FER1L5: variants seen among roughly 807,000 people sequenced by gnomAD.
FER1L5 encodes fer-1-like protein 5.
FER1L5 carries 187 observed loss-of-function variants against 279.9 expected under a neutral mutation model. That is an observed-to-expected ratio of 0.67 (90% CI 0.59 to 0.75). The LOEUF is 0.75. Among genes scored for constraint, FER1L5 ranks in the 30% least tolerant of loss-of-function variants. FER1L5 has a pLI of 0.00. For synonymous variants in FER1L5, 921 were observed against 989.7 expected, an observed-to-expected ratio of 0.93 and a Z score of 1.30; for missense variants, 2,091 against 2,594.4, an observed-to-expected ratio of 0.81 and a Z score of 4.21.
In FER1L5 at chr2:96,700,099, T is replaced by C. The variant is rs372591778; in HGVS notation, c.4930+19T>C. 6 of 1,613,090 alleles carry C rather than the reference T, an allele frequency of 3.7e-6. No homozygotes were observed. The highest frequency in any genetic ancestry group is 5.1e-6 in the Non-Finnish European group (6 of 1,179,706). On this transcript the variant is annotated intron_variant, in intron 44 of 52. Transcript: ENST00000624922. ...AGCTTTGGTGAGCAGCGCAGAACAC[T>C]AGCAGAAAGCACAGACACAGGCCTC...
chr2:96,664,394 A>G (rs1434573229), intron 14 of FER1L5, among the ~76,000 whole-genome samples: 1 of 152,000 alleles, frequency 6.6e-6, no homozygotes. Flanking sequence ...TTCTGTTACT[A>G]CGTATTAGCT....
Position 96,687,952 on chromosome 2 carries a change from G to A in FER1L5, c.2361+5G>A, listed in dbSNP as rs1405886377. On this transcript the variant is annotated splice_donor_5th_base_variant and intron_variant, in intron 24 of 52. Transcript: ENST00000624922. ...ACAGCGGTGTACGCCGAGATGGTGA[G>A]TGGTGAGCGGCAGCCCAAGGCCAGG... 3.2e-6 allele frequency: 5 copies of A among 1,550,946 alleles called. No homozygotes were observed. In the South Asian group the frequency reaches 5.9e-5, roughly 18 times the overall value.
intron 18 of FER1L5, among the ~76,000 whole-genome samples, chr2:96,670,718 G>A (rs555501845): frequency 2.6e-5 from 4 of 151,890 alleles, no homozygotes; most frequent in South Asian, 2.1e-4. Context: ...CCTGGGAGGC[G>A]GAGGTTGCAG....
chr2:96,642,793 T>G lies in FER1L5; in HGVS notation c.-44T>G. 6.5e-7 allele frequency: 1 copy of G among 1,539,142 alleles called. No individual in the cohort carries two copies. Among genetic ancestry groups the G allele is most frequent in the East Asian group, 2.5e-5 (1 of 40,346 alleles). The stretch of plus-strand genomic sequence containing the variant: ...GACTGAGGAGCTCCAAAAAGGAAGC[T>G]GTGGCGCTGCGTAGGGAAGGAGGGA... On this transcript the variant is annotated 5_prime_UTR_variant, in exon 1 of 53. Coordinates refer to ENST00000624922, the MANE Select transcript of FER1L5 (RefSeq NM_001293083.2).
rs376269992 is a variant in FER1L5 at position 96,688,662 on chromosome 2, A to G, written c.2362-551A>G. Among the ~76,000 whole-genome samples, 24 of 151,888 alleles carry G rather than the reference A, an allele frequency of 1.6e-4. 2 individuals carry two copies. Among genetic ancestry groups the G allele is most frequent in the Admixed American group, 5.9e-4 (9 of 15,274 alleles). ...TGCATGTGTAGATGGATACATCATAATATGTCTAACCAGCTCCGTAGGTCT... is the reference window on the plus strand; with the variant it reads ...TGCATGTGTAGATGGATACATCATAGTATGTCTAACCAGCTCCGTAGGTCT... On this transcript the variant is annotated intron_variant, in intron 24 of 52. Coordinates refer to ENST00000624922, the MANE Select transcript of FER1L5 (RefSeq NM_001293083.2).
At chr2:96,644,772 G>A (rs1434596500) in intron 1 of FER1L5, among the ~76,000 whole-genome samples, 2 of 152,188 alleles carry the variant, frequency 1.3e-5, no homozygotes, top group African/African-American at 2.4e-5. Flanking sequence ...GGCTCACAGG[G>A]TGATGCATGC....
chr2:96,653,765 A>C (rs1475289631), intron 8 of FER1L5, 63 bp downstream of exon 8: 4 of 1,277,816 alleles, frequency 3.1e-6, no homozygotes, highest in Non-Finnish European at 3.3e-6. Context: ...ACTGGGAAGC[A>C]CTACAGCTCC....
At position 96,687,861 on chromosome 2, in the gene FER1L5, C is replaced by T. The variant is rs1315381728; in HGVS notation, c.2275C>T (p.Arg759Trp). 5.8e-6 allele frequency: 9 copies of T among 1,551,300 alleles called. No homozygotes were observed. Among genetic ancestry groups the T allele is most frequent in the Non-Finnish European group, 6.1e-6 (7 of 1,146,966 alleles). The part of the protein sequence containing the change: ...GQKDVLPAHL[R>W]VCMWLGNVTD... Reference sequence around the variant, plus strand: ...GAAGGATGTGCTCCCAGCTCACCTCCGGGTCTGCATGTGGCTTGGCAATGT... The same window carrying T: ...GAAGGATGTGCTCCCAGCTCACCTCTGGGTCTGCATGTGGCTTGGCAATGT... Residue 759 changes from arginine (R) to tryptophan (W), a missense_variant, in exon 24 of 53, where the codon CGG becomes TGG. Physicochemically the swap from Arg to Trp is moderately radical, Grantham distance 101 (BLOSUM62 -3). Transcript: ENST00000624922.
intron 5 of FER1L5, 42 bp from the exon 6 acceptor site, chr2:96,650,138 G>A (rs1413622376): frequency 1.4e-6 from 2 of 1,467,240 alleles, no homozygotes; most frequent in Non-Finnish European, 1.9e-6. Flanking sequence ...AAACCTCCTG[G>A]GCCCCAGGCC....
intron 4 of FER1L5, among the ~76,000 whole-genome samples, chr2:96,649,025 T>A (rs2075255562): frequency 6.6e-6 from 1 of 151,578 alleles, no homozygotes; most frequent in African/African-American, 2.4e-5. Flanking sequence ...TGTACTGCAC[T>A]TTTGTCACAC....
intron 9 of FER1L5, among the ~76,000 whole-genome samples, chr2:96,658,059 C>T (rs2075668702): frequency 6.6e-6 from 1 of 151,722 alleles, no homozygotes; most frequent in Non-Finnish European, 1.5e-5. Context: ...CCCTGTTGCC[C>T]AGGCTGGAGT....
intron 19 of FER1L5, among the ~76,000 whole-genome samples, chr2:96,673,884 C>T (rs953404053): frequency 1.3e-5 from 2 of 152,194 alleles, no homozygotes; most frequent in Non-Finnish European, 2.9e-5. Context: ...GGGGTGCATG[C>T]TCCAGTTTGA....
Position 96,649,736 on chromosome 2 carries a change from C to T in FER1L5, c.394+59C>T. 3 of 1,513,890 alleles carry T rather than the reference C, an allele frequency of 2.0e-6. No individual in the cohort carries two copies. In the Admixed American group the frequency reaches 5.9e-5, roughly 30 times the overall value. 93.8% of individuals were successfully genotyped at this position (1,513,890 alleles called of 1,614,324 possible). A position where few individuals can be genotyped will look rare whatever the true frequency, so the allele number is the denominator to read the frequency against. ...CTACCCTGCCTTTCTGCATGCACAG[C>T]TGGATGGGTTCTTGGGGACCTTCAA... On this transcript the variant is annotated intron_variant, in intron 5 of 52. Transcript: ENST00000624922.
chr2:96,676,880 G>A (rs1433024480), intron 19 of FER1L5, among the ~76,000 whole-genome samples: 1 of 151,620 alleles, frequency 6.6e-6, no homozygotes, highest in Non-Finnish European at 1.5e-5. Flanking sequence ...TTTTTGGGAC[G>A]GAGTCTCACT....
chr2:96,690,807 G>A (rs1050315678), intron 27 of FER1L5, among the ~76,000 whole-genome samples: 4 of 152,224 alleles, frequency 2.6e-5, no homozygotes, highest in Admixed American at 2.0e-4. Context: ...CTGGCCCAGA[G>A]CAAGGCGTGG....
Position 96,698,772 on chromosome 2 carries a change from C to T in FER1L5, c.4458C>T (p.Cys1486=). ...WPEREDFPQP[C]LVRVYMVRAI... is the part of the protein sequence containing the mutation. ...AGAGAGAGGACTTCCCCCAGCCGTG[C>T]TTGGTGCGGGTGTACATGGTACGAG... Residue 1486 remains cysteine, a synonymous_variant, in exon 41 of 53, where the codon TGC becomes TGT. Transcript: ENST00000624922. This position sits in a 1 kb window ranked among gnomAD's most constrained non-coding sequence, Gnocchi z 5.5. 6.4e-7 allele frequency: 1 copy of T among 1,568,074 alleles called. No individual in the cohort carries two copies. Among genetic ancestry groups the T allele is most frequent in the Non-Finnish European group, 8.6e-7 (1 of 1,156,810 alleles).
intron 5 of FER1L5, 73 bp from the exon 6 acceptor site, chr2:96,650,107 A>T (rs1321668364): frequency 6.8e-6 from 8 of 1,181,106 alleles, no homozygotes; most frequent in Non-Finnish European, 9.8e-6. Flanking sequence ...GGACAGAATG[A>T]TGGAATGGGG....
intron 45 of FER1L5, 52 bp from the exon 46 acceptor site, chr2:96,701,903 G>A: frequency 6.4e-7 from 1 of 1,572,698 alleles, no homozygotes; most frequent in Non-Finnish European, 8.7e-7. Flanking sequence ...AGGCCAGCCT[G>A]CTGAGAACAG....
In FER1L5 at chr2:96,698,274, C is replaced by T. The variant is rs1042171036; in HGVS notation, c.4356+118C>T. ...GTGAAGATGGAGCAGGGCTTGAGAA[C>T]GTTCTGGGAGTGGAGGAGCAGAGAT... On this transcript the variant is annotated intron_variant, in intron 40 of 52. Transcript: ENST00000624922. This position sits in a 1 kb window ranked among gnomAD's most constrained non-coding sequence, Gnocchi z 5.5. 21 of 1,405,042 alleles carry T rather than the reference C, an allele frequency of 1.5e-5. No individual in the cohort carries two copies. The highest frequency in any genetic ancestry group is 1.3e-4 in the Admixed American group (5 of 37,184). 87.0% of individuals were successfully genotyped at this position (1,405,042 alleles called of 1,614,324 possible). A position where few individuals can be genotyped will look rare whatever the true frequency, so the allele number is the denominator to read the frequency against.
Sources: gnomAD v4.1 joint callset for allele counts (sites outside exome capture counted in the v4.1 genomes callset) on GRCh38, gnomAD v4.1.1 for gene constraint, Gnocchi (gnomAD v3.1) non-coding constraint, MANE v1.5 for transcripts, NCBI Gene and HGNC (gene_info 2026-07-23, HGNC 2026-07-21) for gene names.